The following OSBPL8 variants were observed in gnomAD, a reference collection of about 807,000 sequenced individuals.
The protein encoded by OSBPL8 is oxysterol binding protein like 8, also known as oxysterol-binding protein-related protein 8.
OSBPL8 carries 59 observed loss-of-function variants against 125.5 expected under a neutral mutation model. The ratio of observed to expected loss-of-function variants is 0.47; its 90% CI spans 0.38 to 0.58. The LOEUF (loss-of-function observed/expected upper bound fraction) is 0.58. Among genes scored for constraint, OSBPL8 ranks in the 20% least tolerant of loss-of-function variants. The pLI is 0.00. For synonymous variants in OSBPL8, 330 were observed against 338.9 expected (o/e 0.97, Z 0.29); for missense variants, 758 against 1,047.8 (o/e 0.72, Z 3.82).
intron 1 of OSBPL8, among the ~76,000 whole-genome samples, chr12:76,537,726 T>C (rs749674571): frequency 6.6e-6 from 1 of 152,002 alleles, no homozygotes; most frequent in Non-Finnish European, 1.5e-5. Flanking sequence ...CTGGTTAACA[T>C]GGTAAAACCC....
At chr12:76,412,648 C>T (rs895959915) in intron 4 of OSBPL8, among the ~76,000 whole-genome samples, 20 of 152,000 alleles carry the variant, frequency 1.3e-4, no homozygotes, top group African/African-American at 4.1e-4. Context: ...TGTGAGAACC[C>T]GAGTGTGACA....
At chr12:76,485,900 A>T (rs1011242360) in intron 2 of OSBPL8, 3 of 278,896 alleles carry the variant, frequency 1.1e-5, no homozygotes, top group African/African-American at 2.2e-5. Context: ...GACCAAAAGT[A>T]TTTGAGTTGA....
chr12:76,497,193 ATT>A (rs60754492), intron 1 of OSBPL8, among the ~76,000 whole-genome samples: 18 of 144,744 alleles, frequency 1.2e-4, no homozygotes, highest in South Asian at 2.2e-4. Context: ...GAATCAGCAA[ATT>A]TTTTTTTTTT....
chr12:76,359,843 C>T (rs1212431258), intron 21 of OSBPL8, among the ~76,000 whole-genome samples: 1 of 152,122 alleles, frequency 6.6e-6, no homozygotes, highest in African/African-American at 2.4e-5. Context: ...CCCACTAAGT[C>T]CCTCCCACAA....
At chr12:76,468,652 G>A (rs1875748567) in intron 2 of OSBPL8, among the ~76,000 whole-genome samples, 1 of 152,156 alleles carries the variant, frequency 6.6e-6, no homozygotes. Context: ...TCAAGCTAAA[G>A]TTATCGTTCT....
rs541971373 is a variant in OSBPL8, at chr12:76,471,120, G to A, written c.43-11225C>T. 7.5e-4 allele frequency among the ~76,000 whole-genome samples: 114 copies of A among 152,192 alleles called. 1 individual carries two copies. Among genetic ancestry groups the A allele is most frequent in the African/African-American group, 2.6e-3 (106 of 41,532 alleles). On this transcript the variant is annotated intron_variant, in intron 2 of 23. Coordinates refer to ENST00000261183, the MANE Select transcript of OSBPL8 (RefSeq NM_020841.5). Reference sequence around the variant, plus strand: ...TAGATCCTAGTGCTGCCCACTGTCTGGCTAACTGACTTTATGCAAATTACC... The same window carrying A: ...TAGATCCTAGTGCTGCCCACTGTCTAGCTAACTGACTTTATGCAAATTACC...
intron 16 of OSBPL8, among the ~76,000 whole-genome samples, chr12:76,377,609 A>T (rs184298684): frequency 1.7e-3 from 252 of 152,098 alleles, no homozygotes; most frequent in African/African-American, 5.8e-3. Context: ...CACTTTTCAT[A>T]TTGAATAATT....
intron 1 of OSBPL8, among the ~76,000 whole-genome samples, chr12:76,536,121 T>A (rs1950491081): frequency 6.6e-6 from 1 of 152,034 alleles, no homozygotes; most frequent in Non-Finnish European, 1.5e-5. Flanking sequence ...CAGGAAAGAC[T>A]ACAGAAGTAG....
intron 18 of OSBPL8, among the ~76,000 whole-genome samples, chr12:76,372,876 G>C (rs891247543): frequency 4.5e-4 from 68 of 152,240 alleles, no homozygotes; most frequent in African/African-American, 1.5e-3. Flanking sequence ...TGAGTAGAGT[G>C]CTGTGCATAA....
At chr12:76,400,046 C>T (rs1953983885) in intron 6 of OSBPL8, 72 bp from the exon 7 acceptor site, 1 of 1,147,432 alleles carries the variant, frequency 8.7e-7, no homozygotes, top group Non-Finnish European at 1.2e-6. Context: ...TTCAGGGGTA[C>T]AAATGCAGGT....
intron 2 of OSBPL8, among the ~76,000 whole-genome samples, chr12:76,466,406 G>A (rs146089228): frequency 2.0e-5 from 3 of 152,214 alleles, no homozygotes; most frequent in African/African-American, 7.2e-5. Flanking sequence ...CTAAAAAGAT[G>A]CAAAAATGTT....
intron 1 of OSBPL8, among the ~76,000 whole-genome samples, chr12:76,530,428 T>G (rs1950304633): frequency 6.6e-6 from 1 of 152,242 alleles, no homozygotes; most frequent in South Asian, 2.1e-4. Context: ...TCTCACTTCT[T>G]GCAGGTTTCT....
Position 76,534,021 on chromosome 12 carries a change from T to C in OSBPL8, c.-68+25376A>G, listed in dbSNP as rs530861227. ...TGCTACATTTTACCTTTTCTCCTAATATTTTTACTGTAAACTAAAGTGGTT... is the reference window on the plus strand; with the variant it reads ...TGCTACATTTTACCTTTTCTCCTAACATTTTTACTGTAAACTAAAGTGGTT... On this transcript the variant is annotated intron_variant, in intron 1 of 23. Coordinates refer to ENST00000261183, the MANE Select transcript of OSBPL8 (RefSeq NM_020841.5). Among the ~76,000 whole-genome samples the C allele has an allele frequency of 2.0e-5, 3 of 152,344 alleles. 1 individual carries two copies. In the South Asian group the frequency reaches 6.2e-4, roughly 32 times the overall value.
rs558827797 is a variant in OSBPL8 at position 76,553,576 on chromosome 12, G to A, written c.-68+5821C>T. 3.3e-5 allele frequency among the ~76,000 whole-genome samples: 5 copies of A among 151,696 alleles called. No homozygotes were observed. The South Asian group carries it at 1.0e-3, about 32-fold the overall frequency. ...TAGTCCCAGCTACTTGGGAGGCAGA[G>A]ACAGGAGGATCACTTGAGCCTGGGA... On this transcript the variant is annotated intron_variant, in intron 1 of 23. Coordinates refer to ENST00000261183, the MANE Select transcript of OSBPL8 (RefSeq NM_020841.5).
At chr12:76,367,782 T>C (rs1297939717) in intron 21 of OSBPL8, among the ~76,000 whole-genome samples, 2 of 152,172 alleles carry the variant, frequency 1.3e-5, no homozygotes, top group African/African-American at 4.8e-5. Flanking sequence ...AACAATCTAG[T>C]TTGAGTTGAT....
At chr12:76,407,506 C>G (rs1302834602) in intron 5 of OSBPL8, among the ~76,000 whole-genome samples, 1 of 152,148 alleles carries the variant, frequency 6.6e-6, no homozygotes, top group Non-Finnish European at 1.5e-5. Context: ...TCTCAGCCTC[C>G]CCAAGTGCTG....
At chr12:76,358,243 G>A (rs190897755) in intron 22 of OSBPL8, among the ~76,000 whole-genome samples, 1 of 135,008 alleles carries the variant, frequency 7.4e-6, no homozygotes, top group East Asian at 2.5e-4. Flanking sequence ...GCAGTAGTGT[G>A]ATCTCGGTTC....
intron 4 of OSBPL8, among the ~76,000 whole-genome samples, chr12:76,421,250 C>T (rs1483124495): frequency 2.0e-5 from 3 of 152,012 alleles, no homozygotes; most frequent in African/African-American, 7.2e-5. Context: ...TTAAAAAAAT[C>T]TCAGTATTTT....
chr12:76,547,268 G>C (rs747674544), intron 1 of OSBPL8, among the ~76,000 whole-genome samples: 1 of 151,958 alleles, frequency 6.6e-6, no homozygotes, highest in Non-Finnish European at 1.5e-5. Flanking sequence ...CAGAAGAGAG[G>C]GAAATTAGAT....
Sources: allele counts gnomAD v4.1 joint callset (sites outside exome capture counted in the v4.1 genomes callset), GRCh38; gene constraint gnomAD v4.1.1; transcripts MANE v1.5; gene names NCBI Gene and HGNC (gene_info 2026-07-23, HGNC 2026-07-21).